GALNT14: variants seen among roughly 807,000 people sequenced by gnomAD.
The protein encoded by GALNT14 is polypeptide N-acetylgalactosaminyltransferase 14.
In GALNT14, 60 loss-of-function variants were observed where a neutral mutation model predicts 77.5. That is an observed-to-expected ratio of 0.77 (90% confidence interval 0.63 to 0.96). The LOEUF (loss-of-function observed/expected upper bound fraction) is 0.96. Ranked by LOEUF, GALNT14 falls within the 40% of genes least tolerant of loss-of-function variation. The pLI is 0.00. For missense variants in GALNT14, 710 were observed against 731.0 expected (o/e 0.97, Z 0.33); for synonymous variants, 280 against 281.7 (o/e 0.99, Z 0.06).
intron 1 of GALNT14, among the ~76,000 whole-genome samples, chr2:31,023,250 G>A (rs1038559024): frequency 1.3e-5 from 2 of 152,102 alleles, no homozygotes; most frequent in African/African-American, 2.4e-5. Flanking sequence ...CTGGAGTAAA[G>A]TTTCCAGTGG....
At chr2:31,125,154 C>A in intron 1 of GALNT14, 5 of 1,548,716 alleles carry the variant, frequency 3.2e-6, no homozygotes, top group Non-Finnish European at 3.5e-6. Flanking sequence ...GTCAACCTAC[C>A]TGTAGGAAGA....
At chr2:31,104,035 T>C (rs1677428275) in intron 1 of GALNT14, among the ~76,000 whole-genome samples, 1 of 152,190 alleles carries the variant, frequency 6.6e-6, no homozygotes, top group African/African-American at 2.4e-5. Context: ...CTTTCTTTCT[T>C]TGCTTATCTT....
chr2:31,087,989 C>T (rs991877427), intron 1 of GALNT14, among the ~76,000 whole-genome samples: 4 of 152,236 alleles, frequency 2.6e-5, no homozygotes, highest in Admixed American at 6.5e-5. Context: ...GTCTATGAAC[C>T]AGAGAGTGGA....
intron 1 of GALNT14, among the ~76,000 whole-genome samples, chr2:31,018,433 T>C (rs769791147): frequency 1.3e-5 from 2 of 152,160 alleles, no homozygotes; most frequent in Non-Finnish European, 2.9e-5. Flanking sequence ...ATGTCTTACA[T>C]GGCAGCAGGT....
chr2:30,918,676 G>A (rs1235988536), intron 13 of GALNT14, among the ~76,000 whole-genome samples: 5 of 123,570 alleles, frequency 4.0e-5, no homozygotes, highest in African/African-American at 1.4e-4. Flanking sequence ...CAGGGAGGGT[G>A]GCATCAGGCA....
At chr2:30,923,071 T>C (rs1572971519) in intron 13 of GALNT14, among the ~76,000 whole-genome samples, 1 of 142,500 alleles carries the variant, frequency 7.0e-6, no homozygotes, top group East Asian at 2.0e-4. Flanking sequence ...TTTTTTTTTT[T>C]TTTTTTTTGA....
intron 1 of GALNT14, among the ~76,000 whole-genome samples, chr2:31,016,320 T>C (rs141526738): frequency 3.6e-4 from 55 of 152,256 alleles, no homozygotes; most frequent in Non-Finnish European, 6.2e-4. Context: ...CAGATTGTAT[T>C]ATGCCAACCT....
At chr2:31,109,648 T>C (rs1395765037) in intron 1 of GALNT14, among the ~76,000 whole-genome samples, 1 of 152,158 alleles carries the variant, frequency 6.6e-6, no homozygotes, top group Non-Finnish European at 1.5e-5. Context: ...TGCGGACAGA[T>C]TGTAATGGAC....
chr2:31,008,336 A>G (rs1221266998), intron 1 of GALNT14, among the ~76,000 whole-genome samples: 2 of 151,968 alleles, frequency 1.3e-5, no homozygotes, highest in Non-Finnish European at 1.5e-5. Flanking sequence ...GCCTCAAGCA[A>G]TCCTCCCATC....
intron 1 of GALNT14, among the ~76,000 whole-genome samples, chr2:31,090,353 TCTAG>T (rs1298655739): frequency 1.3e-5 from 2 of 152,178 alleles, no homozygotes; most frequent in South Asian, 4.1e-4. Flanking sequence ...TATTTCCTTC[TCTAG>T]CCAGGCACAC....
intron 1 of GALNT14, among the ~76,000 whole-genome samples, chr2:31,006,919 T>C (rs531304063): frequency 6.6e-6 from 1 of 152,298 alleles, no homozygotes; most frequent in Non-Finnish European, 1.5e-5. Flanking sequence ...AGATAGTATG[T>C]ACAGCAAGGG....
At chr2:30,972,357 G>A (rs1280879031) in intron 2 of GALNT14, among the ~76,000 whole-genome samples, 4 of 152,320 alleles carry the variant, frequency 2.6e-5, no homozygotes, top group Non-Finnish European at 5.9e-5. Flanking sequence ...GGCCTGGCGT[G>A]GCGTGGGACA....
rs140694334 is a variant in GALNT14, at chr2:31,007,536, A to G, written c.130-14529T>C. Among the ~76,000 whole-genome samples, 986 of 152,328 alleles carry G rather than the reference A, an allele frequency of 6.5e-3. 8 individuals carry two copies. Among genetic ancestry groups the G allele is most frequent in the Middle Eastern group, 0.024 (7 of 294 alleles). ...AACTGTTGGAAGGATGTAAGGTGTT[A>G]GAGTGACATTTCGAATGTCTCCCAC... On this transcript the variant is annotated intron_variant, in intron 1 of 14. Coordinates refer to ENST00000349752, the MANE Select transcript of GALNT14 (RefSeq NM_024572.4).
Position 30,929,363 on chromosome 2 carries a change from C to T in GALNT14, c.1151+32G>A, listed in dbSNP as rs758327267. On this transcript the variant is annotated intron_variant, in intron 11 of 14. Coordinates refer to ENST00000349752, the MANE Select transcript of GALNT14 (RefSeq NM_024572.4). ...CCTAGGAGCTGGGCTCTTTTGCAGT[C>T]TCTGCCCTCCTCAACCTGAAGGGAC... is the stretch of plus-strand genomic sequence containing the variant. 3 of 1,570,468 alleles carry T rather than the reference C, an allele frequency of 1.9e-6. No homozygotes were observed. In the African/African-American group the frequency reaches 4.1e-5, roughly 21 times the overall value.
intron 1 of GALNT14, among the ~76,000 whole-genome samples, chr2:31,052,269 C>CCCTGTACT: frequency 6.6e-6 from 1 of 152,282 alleles, no homozygotes; most frequent in East Asian, 1.9e-4. Context: ...GTCCTTGTCT[C>CCCTGTACT]CCTGTACTTC....
intron 1 of GALNT14, among the ~76,000 whole-genome samples, chr2:31,100,893 A>G (rs1172044958): frequency 1.3e-5 from 2 of 151,668 alleles, no homozygotes; most frequent in Non-Finnish European, 2.9e-5. Context: ...ATGATTAGGC[A>G]AAATCATCTA....
At chr2:31,054,848 A>C (rs182511463) in intron 1 of GALNT14, among the ~76,000 whole-genome samples, 37 of 152,344 alleles carry the variant, frequency 2.4e-4, no homozygotes. Flanking sequence ...AAAGTGGAAA[A>C]ACAAAAGCAT....
At chr2:30,955,540 T>C in intron 6 of GALNT14, 78 bp downstream of exon 6, 1 of 1,544,960 alleles carries the variant, frequency 6.5e-7, no homozygotes, top group Non-Finnish European at 8.7e-7. Context: ...GGGTTGCACA[T>C]GTGAAGTAAT....
At chr2:30,988,894 G>T (rs982096024) in intron 2 of GALNT14, among the ~76,000 whole-genome samples, 11 of 152,220 alleles carry the variant, frequency 7.2e-5, no homozygotes, top group African/African-American at 2.7e-4. Flanking sequence ...TGGGGAACCA[G>T]AATTTGAGAA....
Sources: allele counts gnomAD v4.1 joint callset (sites outside exome capture counted in the v4.1 genomes callset), GRCh38; gene constraint gnomAD v4.1.1; transcripts MANE v1.5; gene names NCBI Gene and HGNC (gene_info 2026-07-23, HGNC 2026-07-21).